Variants in SLIT3 observed in about 807,000 individuals in gnomAD.
SLIT3 encodes slit guidance ligand 3, also known as slit homolog 3 protein.
Under a neutral mutation model 184.0 loss-of-function variants are expected in SLIT3, and 68 were observed. That is an observed-to-expected ratio of 0.37 (90% CI 0.30 to 0.45). The LOEUF (loss-of-function observed/expected upper bound fraction) is 0.45, where lower values mean the gene tolerates loss of function less well. SLIT3 is among the 20% of genes least tolerant of loss of function. The probability of loss-of-function intolerance (pLI) is 1.00; values close to 1 mark genes in which losing one functional copy is unlikely to be tolerated. For synonymous variants in SLIT3, 831 were observed against 828.6 expected (o/e 1.00, Z -0.05); for missense variants, 1,707 against 2,026.0 (o/e 0.84, Z 3.02).
chr5:168,700,571 T>C lies in SLIT3; in HGVS notation c.2942+11A>G. The C allele has an allele frequency of 6.2e-7, 1 of 1,601,168 alleles. No homozygotes were observed. The highest frequency in any genetic ancestry group is 1.1e-5 in the South Asian group (1 of 90,754). On this transcript the variant is annotated intron_variant, in intron 27 of 35. Transcript: ENST00000519560. ...CTAATACAGTGAGGGAGGCCAGGGGTGAACTGTTACCTGAACCCATCCTTG... is the reference window on the plus strand; with the variant it reads ...CTAATACAGTGAGGGAGGCCAGGGGCGAACTGTTACCTGAACCCATCCTTG...
intron 4 of SLIT3, among the ~76,000 whole-genome samples, chr5:168,970,931 T>C (rs1754555921): frequency 6.6e-6 from 1 of 152,238 alleles, no homozygotes. Flanking sequence ...ATCAGCTTTG[T>C]GGTGGTAAAT....
At chr5:169,080,577 A>G (rs1758993339) in intron 4 of SLIT3, among the ~76,000 whole-genome samples, 1 of 152,192 alleles carries the variant, frequency 6.6e-6, no homozygotes, top group Non-Finnish European at 1.5e-5. Context: ...TGAGAGCTAT[A>G]AAGCACGTGG....
chr5:168,970,506 A>AAAC (rs1561581360), intron 4 of SLIT3, among the ~76,000 whole-genome samples: 1 of 151,644 alleles, frequency 6.6e-6, no homozygotes, highest in African/African-American at 2.4e-5. Flanking sequence ...AAATAAAAAA[A>AAAC]AAAAAAAAAC....
intron 3 of SLIT3, among the ~76,000 whole-genome samples, chr5:169,205,754 T>C (rs1764047908): frequency 6.6e-6 from 1 of 152,232 alleles, no homozygotes; most frequent in Non-Finnish European, 1.5e-5. Context: ...GTGCTGGCTA[T>C]TTCACTTCAG....
intron 4 of SLIT3, among the ~76,000 whole-genome samples, chr5:168,942,480 T>G (rs369780160): frequency 6.6e-6 from 1 of 152,216 alleles, no homozygotes; most frequent in Non-Finnish European, 1.5e-5. Context: ...GAAGTAAAAA[T>G]TTGTACAAAA....
chr5:169,051,235 T>G (rs1446900450), intron 4 of SLIT3, among the ~76,000 whole-genome samples: 2 of 151,964 alleles, frequency 1.3e-5, no homozygotes, highest in Non-Finnish European at 2.9e-5. Flanking sequence ...GCCAACTGAA[T>G]TAACTCTAGT....
chr5:169,010,627 T>C (rs911376524), intron 4 of SLIT3, among the ~76,000 whole-genome samples: 8 of 152,130 alleles, frequency 5.3e-5, no homozygotes, highest in African/African-American at 1.9e-4. Flanking sequence ...TTTGGTCAGG[T>C]GTGGTGGCTC....
intron 5 of SLIT3, among the ~76,000 whole-genome samples, chr5:168,873,056 T>C (rs2113770163): frequency 6.6e-6 from 1 of 152,312 alleles, no homozygotes; most frequent in Admixed American, 6.5e-5. Context: ...GAAATGCTTT[T>C]CCAACACTCC....
At chr5:168,763,608 C>A (rs1485733334) in intron 14 of SLIT3, among the ~76,000 whole-genome samples, 4 of 152,114 alleles carry the variant, frequency 2.6e-5, no homozygotes, top group Admixed American at 2.0e-4. Context: ...ATGGGACCAA[C>A]AACGTGGTGT....
chr5:169,276,280 C>G (rs774537825), intron 1 of SLIT3, among the ~76,000 whole-genome samples: 3 of 152,156 alleles, frequency 2.0e-5, no homozygotes, highest in Non-Finnish European at 2.9e-5. Context: ...CCAGCTGCGA[C>G]TCTGCTCACA....
chr5:168,773,574 T>A (rs1257512918), intron 13 of SLIT3, among the ~76,000 whole-genome samples: 2 of 151,940 alleles, frequency 1.3e-5, no homozygotes, highest in East Asian at 3.9e-4. Flanking sequence ...ACTTACAGGG[T>A]CTCCAGAAGC....
chr5:168,939,866 A>C (rs1202995873), intron 4 of SLIT3, among the ~76,000 whole-genome samples: 1 of 152,212 alleles, frequency 6.6e-6, no homozygotes, highest in Non-Finnish European at 1.5e-5. Flanking sequence ...CACTGTGTTA[A>C]AGATTTTGTA....
intron 5 of SLIT3, among the ~76,000 whole-genome samples, chr5:168,853,407 A>G (rs1211419642): frequency 6.6e-6 from 1 of 152,228 alleles, no homozygotes; most frequent in Non-Finnish European, 1.5e-5. Context: ...ACCACCTAAA[A>G]TAGTCAAATG....
intron 4 of SLIT3, among the ~76,000 whole-genome samples, chr5:169,030,749 A>C (rs1156363395): frequency 6.6e-6 from 1 of 152,236 alleles, no homozygotes; most frequent in East Asian, 1.9e-4. Context: ...CCACAAAACA[A>C]TCATATGAGT....
At chr5:168,819,591 T>C (rs1339025487) in intron 7 of SLIT3, among the ~76,000 whole-genome samples, 2 of 152,190 alleles carry the variant, frequency 1.3e-5, no homozygotes, top group Non-Finnish European at 2.9e-5. Context: ...ATGTGGCGGA[T>C]CACAGATCAA....
chr5:168,671,130 C>T, intron 34 of SLIT3, 68 bp downstream of exon 34: 1 of 1,531,954 alleles, frequency 6.5e-7, no homozygotes, highest in Non-Finnish European at 8.9e-7. Context: ...GCCTATTTCT[C>T]AGGTGGGGTA....
intron 3 of SLIT3, among the ~76,000 whole-genome samples, chr5:169,241,784 T>C (rs1765411490): frequency 6.6e-6 from 1 of 152,108 alleles, no homozygotes; most frequent in South Asian, 2.1e-4. Context: ...GGAAGACACC[T>C]GTGTTATGAG....
At chr5:168,832,795 T>C (rs976419977) in intron 6 of SLIT3, among the ~76,000 whole-genome samples, 8 of 152,212 alleles carry the variant, frequency 5.3e-5, no homozygotes, top group Admixed American at 5.2e-4. Context: ...CTCCTGGTTT[T>C]TTAATATTGG....
chr5:168,785,174 A>C (rs1003708602), intron 12 of SLIT3, among the ~76,000 whole-genome samples: 2 of 152,204 alleles, frequency 1.3e-5, no homozygotes, highest in Non-Finnish European at 2.9e-5. Context: ...CCCATAGTAC[A>C]TGTGTGTAGA....
Sources: gnomAD v4.1 joint callset for allele counts (sites outside exome capture counted in the v4.1 genomes callset) on GRCh38, gnomAD v4.1.1 for gene constraint, MANE v1.5 for transcripts, NCBI Gene and HGNC (gene_info 2026-07-23, HGNC 2026-07-21) for gene names.